The following STAU2 variants were observed in gnomAD, a reference collection of about 807,000 sequenced individuals.
STAU2 encodes the protein double-stranded RNA-binding protein Staufen homolog 2.
In STAU2, 20 loss-of-function variants were observed where a neutral mutation model predicts 65.9. The ratio of observed to expected loss-of-function variants is 0.30; its 90% CI spans 0.21 to 0.44. The LOEUF is 0.44. STAU2 is among the 20% of genes least tolerant of loss of function. STAU2 has a pLI of 1.00. For synonymous variants in STAU2, 232 were observed against 233.9 expected, an observed-to-expected ratio of 0.99 and a Z score of 0.07; for missense variants, 558 against 683.9, an observed-to-expected ratio of 0.82 and a Z score of 2.05.
At chr8:73,538,470 T>C (rs1347486197) in intron 13 of STAU2, among the ~76,000 whole-genome samples, 3 of 151,978 alleles carry the variant, frequency 2.0e-5, no homozygotes, top group Non-Finnish European at 2.9e-5. Flanking sequence ...GAGTCTTCAA[T>C]CAATGAAAGA....
chr8:73,431,893 A>T (rs1259368507), intron 13 of STAU2, among the ~76,000 whole-genome samples: 1 of 152,216 alleles, frequency 6.6e-6, no homozygotes, highest in African/African-American at 2.4e-5. Context: ...ACAGTTTGTA[A>T]CGACAATGTA....
At chr8:73,740,953 C>G (rs1325135264) in intron 1 of STAU2, among the ~76,000 whole-genome samples, 2 of 143,938 alleles carry the variant, frequency 1.4e-5, no homozygotes, top group African/African-American at 5.2e-5. Flanking sequence ...TGCAGTGAGC[C>G]AAGATCATGC....
At chr8:73,447,282 G>A (rs187895512) in intron 13 of STAU2, among the ~76,000 whole-genome samples, 1 of 152,118 alleles carries the variant, frequency 6.6e-6, no homozygotes, top group African/African-American at 2.4e-5. Flanking sequence ...TGGACTTTTG[G>A]TTTTTTCCTC....
chr8:73,480,567 C>G (rs997714261), intron 13 of STAU2, among the ~76,000 whole-genome samples: 1 of 152,062 alleles, frequency 6.6e-6, no homozygotes, highest in Non-Finnish European at 1.5e-5. Flanking sequence ...GACTTAAAAT[C>G]CCCCAAAAGT....
chr8:73,551,400 G>C (rs953796195), intron 13 of STAU2: 1 of 986,904 alleles, frequency 1.0e-6, no homozygotes, highest in African/African-American at 1.7e-5. Context: ...ACCCTCCCTA[G>C]TCAGTTCAAA....
At chr8:73,484,512 G>A (rs1292163934) in intron 13 of STAU2, among the ~76,000 whole-genome samples, 1 of 151,632 alleles carries the variant, frequency 6.6e-6, no homozygotes, top group African/African-American at 2.4e-5. Flanking sequence ...CTAATGAATG[G>A]CTTTCTATGA....
chr8:73,558,944 T>TA (rs1807987672), intron 12 of STAU2, among the ~76,000 whole-genome samples: 1 of 152,172 alleles, frequency 6.6e-6, no homozygotes, highest in Non-Finnish European at 1.5e-5. Flanking sequence ...TTTTTCACAA[T>TA]AAAAAATTAT....
chr8:73,438,794 G>A (rs891741163), intron 13 of STAU2: 3 of 370,890 alleles, frequency 8.1e-6, no homozygotes, highest in East Asian at 7.3e-5. Flanking sequence ...GCCCGCTAAC[G>A]GGGACAAGGC....
At chr8:73,658,934 C>CA (rs72251012) in intron 6 of STAU2, among the ~76,000 whole-genome samples, 33 of 96,788 alleles carry the variant, frequency 3.4e-4, no homozygotes, top group African/African-American at 6.6e-4. Flanking sequence ...ACAACAACAA[C>CA]AAAAACAACA....
chr8:73,625,539 G>C (rs1366045145), intron 6 of STAU2, among the ~76,000 whole-genome samples: 2 of 152,190 alleles, frequency 1.3e-5, no homozygotes, highest in Non-Finnish European at 2.9e-5. Context: ...TGGTTGCCAG[G>C]AGCTGGGAGG....
chr8:73,608,516 CAGG>C (rs1041251393), intron 9 of STAU2, among the ~76,000 whole-genome samples: 5 of 150,230 alleles, frequency 3.3e-5, no homozygotes, highest in East Asian at 2.0e-4. Flanking sequence ...CTGAGGAAGG[CAGG>C]AGAATTGCTT....
chr8:73,513,361 T>C (rs1314125766), intron 13 of STAU2, among the ~76,000 whole-genome samples: 1 of 152,182 alleles, frequency 6.6e-6, no homozygotes, highest in Admixed American at 6.5e-5. Context: ...AGCCAGTAAT[T>C]AGTCGGTGGT....
At chr8:73,703,298 CCTG>C (rs1458060355) in intron 4 of STAU2, among the ~76,000 whole-genome samples, 2 of 152,100 alleles carry the variant, frequency 1.3e-5, no homozygotes, top group Non-Finnish European at 2.9e-5. Context: ...CCACATTGCT[CCTG>C]CTTTTACCAT....
Position 73,709,083 on chromosome 8 carries a change from T to C in STAU2, c.63A>G (p.Arg21=), listed in dbSNP as rs1390231043. 2 of 1,533,610 alleles carry C rather than the reference T, an allele frequency of 1.3e-6. No homozygotes were observed. Among genetic ancestry groups the C allele is most frequent in the Non-Finnish European group, 1.7e-6 (2 of 1,145,128 alleles). Residue 21 remains arginine (R), a synonymous_variant, in exon 4 of 15, where the codon AGA becomes AGG. Coordinates refer to ENST00000524300, the MANE Select transcript of STAU2 (RefSeq NM_001164380.2). ...CLVNELARFN[R]VQPQYKLLNE... ...TCAGAAGTTTATACTGGGGTTGGAC[T>C]CTATTGAAACGGGCTAACTCATTTA...
chr8:73,553,106 A>C (rs1205398125), intron 12 of STAU2, among the ~76,000 whole-genome samples: 10 of 152,208 alleles, frequency 6.6e-5, no homozygotes, highest in Non-Finnish European at 1.5e-4. Context: ...TAGTTGATGG[A>C]GCTTAAACCA....
chr8:73,587,318 G>A (rs1810449252), intron 11 of STAU2, among the ~76,000 whole-genome samples: 1 of 152,200 alleles, frequency 6.6e-6, no homozygotes, highest in African/African-American at 2.4e-5. Context: ...CCTTCACAGG[G>A]AAGGCCCTAA....
At chr8:73,584,684 T>C (rs912952045) in intron 11 of STAU2, among the ~76,000 whole-genome samples, 2 of 152,012 alleles carry the variant, frequency 1.3e-5, no homozygotes, top group African/African-American at 4.8e-5. Context: ...AAGTTACAGA[T>C]TAAGTAAAAC....
At chr8:73,597,618 C>T (rs1183301215) in intron 10 of STAU2, among the ~76,000 whole-genome samples, 3 of 141,100 alleles carry the variant, frequency 2.1e-5, no homozygotes, top group African/African-American at 8.0e-5. Flanking sequence ...TGCAGTGAGC[C>T]GAGATCATGC....
chr8:73,497,355 A>G (rs868791440), intron 13 of STAU2, among the ~76,000 whole-genome samples: 59 of 151,852 alleles, frequency 3.9e-4, no homozygotes, highest in Middle Eastern at 3.4e-3. Flanking sequence ...AGCTTATTTA[A>G]TTTCTGCTTT....
Sources: allele counts gnomAD v4.1 joint callset (sites outside exome capture counted in the v4.1 genomes callset), GRCh38; gene constraint gnomAD v4.1.1; transcripts MANE v1.5; gene names NCBI Gene and HGNC (gene_info 2026-07-23, HGNC 2026-07-21).